Variants in HECA observed in about 807,000 individuals in gnomAD.
HECA encodes headcase protein homolog.
In HECA, 13 loss-of-function variants were observed where a neutral mutation model predicts 37.6. The ratio of observed to expected loss-of-function variants is 0.35; its 90% confidence interval spans 0.23 to 0.55. HECA has a LOEUF of 0.55. Among genes scored for constraint, HECA ranks in the 20% least tolerant of loss-of-function variants. The pLI, the probability that HECA is intolerant of heterozygous loss-of-function variation, is 0.90. For synonymous variants in HECA, 307 were observed against 291.5 expected (o/e 1.05, Z -0.54); for missense variants, 527 against 701.9 (o/e 0.75, Z 2.82).
intron 1 of HECA, among the ~76,000 whole-genome samples, chr6:139,158,699 GT>G (rs1479941914): frequency 1.3e-5 from 2 of 151,288 alleles, no homozygotes. Context: ...AAAAATTGGT[GT>G]TTAGGTGCCA....
chr6:139,154,239 A>G (rs748974764), intron 1 of HECA, among the ~76,000 whole-genome samples: 4 of 152,208 alleles, frequency 2.6e-5, no homozygotes, highest in Non-Finnish European at 4.4e-5. Context: ...TTTTCCATGA[A>G]TATTTTCCAT....
intron 1 of HECA, among the ~76,000 whole-genome samples, chr6:139,140,227 A>G (rs764691429): frequency 9.2e-5 from 14 of 152,222 alleles, no homozygotes; most frequent in Non-Finnish European, 1.8e-4. Flanking sequence ...GGAAAATGAA[A>G]AATGTTTGCT....
chr6:139,138,763 C>T (rs753261653), intron 1 of HECA, among the ~76,000 whole-genome samples: 5 of 152,104 alleles, frequency 3.3e-5, no homozygotes, highest in East Asian at 3.9e-4. Flanking sequence ...GATATCATAC[C>T]GCTAATAAGA....
chr6:139,167,143 GGAAGACTTGC>G lies in HECA; in HGVS notation c.1133_1142del (p.Glu378GlyfsTer16). ...AAGACGATGCCCAAGTGGGCCAGGGGGAAGACTTGCGGAAGTTCATTCTGGCCGCGCTCAG... is the reference window on the plus strand; with the variant it reads ...AAGACGATGCCCAAGTGGGCCAGGGGGGAAGTTCATTCTGGCCGCGCTCAG... On this transcript the variant is annotated frameshift_variant, in exon 2 of 4. Transcript: ENST00000367658. LOFTEE classifies it high-confidence loss of function. The G allele has an allele frequency of 6.2e-7, 1 of 1,614,180 alleles. No individual in the cohort carries two copies. The highest frequency in any genetic ancestry group is 2.2e-5 in the East Asian group (1 of 44,852).
rs985881724 is a variant in HECA at position 139,174,608 on chromosome 6, A to G, written c.1467+69A>G. 3.8e-6 allele frequency: 6 copies of G among 1,558,862 alleles called. No individual in the cohort carries two copies. In the African/African-American group the frequency reaches 6.8e-5, roughly 18 times the overall value. ...TTCTGTCCCCAAGTGAATGTAGGGA[A>G]GATGCGTCTGGCAATAAAGAAGAAA... On this transcript the variant is annotated intron_variant, in intron 3 of 3. Transcript: ENST00000367658.
At chr6:139,153,846 A>G (rs76057309) in intron 1 of HECA, among the ~76,000 whole-genome samples, 3,139 of 152,310 alleles carry the variant, frequency 0.021, 115 homozygotes, top group African/African-American at 0.071. Context: ...ATATTTTCCT[A>G]TAACAAAATA....
chr6:139,162,284 G>T (rs1774816028), intron 1 of HECA, among the ~76,000 whole-genome samples: 1 of 152,174 alleles, frequency 6.6e-6, no homozygotes, highest in East Asian at 1.9e-4. Flanking sequence ...TAGAGAGGTG[G>T]GCCTTGAAGC....
At chr6:139,141,919 A>ATTTTTTTTTTTTTTTTTTTTT (rs11345845) in intron 1 of HECA, among the ~76,000 whole-genome samples, 1 of 48,756 alleles carries the variant, frequency 2.1e-5, no homozygotes. Flanking sequence ...TGCCCAGCTA[A>ATTTTTTTTTTTTTTTTTTTTT]TTTTTTTTTT....
chr6:139,166,756 G>A lies in HECA; in HGVS notation c.744G>A (p.Gln248=), dbSNP rs755906012. Residue 248 remains glutamine (Q), a synonymous_variant, in exon 2 of 4, where the codon CAG becomes CAA. Coordinates refer to ENST00000367658, the MANE Select transcript of HECA (RefSeq NM_016217.3). The part of the protein sequence containing the change: ...DLPRRHSMDR[Q]NSQEKAVGAA... The stretch of plus-strand genomic sequence containing the variant: ...CCCGCCGGCATTCCATGGACCGGCA[G>A]AACTCCCAGGAGAAGGCAGTGGGTG... 10 of 1,613,764 alleles carry A rather than the reference G, an allele frequency of 6.2e-6. No individual in the cohort carries two copies. Among genetic ancestry groups the A allele is most frequent in the Non-Finnish European group, 8.5e-6 (10 of 1,179,910 alleles).
At chr6:139,161,939 C>T (rs1342235597) in intron 1 of HECA, among the ~76,000 whole-genome samples, 1 of 152,216 alleles carries the variant, frequency 6.6e-6, no homozygotes, top group Non-Finnish European at 1.5e-5. Context: ...AACCACTCTT[C>T]TACTTCTTTT....
Position 139,178,733 on chromosome 6 carries a change from C to G in HECA, c.*1628C>G, listed in dbSNP as rs937224401. On this transcript the variant is annotated 3_prime_UTR_variant, in exon 4 of 4. Coordinates refer to ENST00000367658, the MANE Select transcript of HECA (RefSeq NM_016217.3). ...GGGACTATAGGCACGTGCCACCACA[C>G]CCGGCTAATTTTTTGTATTTTTAGT... The G allele has an allele frequency of 1.3e-5, 2 of 152,030 alleles. No homozygotes were observed. The highest frequency in any genetic ancestry group is 1.3e-4 in the Admixed American group (2 of 15,248). 9.4% of individuals were successfully genotyped at this position (152,030 alleles called of 1,614,324 possible). A position where few individuals can be genotyped will look rare whatever the true frequency, so the allele number is the denominator to read the frequency against.
Position 139,155,216 on chromosome 6 carries a change from T to A in HECA, c.272-11068T>A, listed in dbSNP as rs139986079. Among the ~76,000 whole-genome samples, 799 of 152,310 alleles carry A rather than the reference T, an allele frequency of 5.2e-3. 8 individuals are homozygous for A. The highest frequency in any genetic ancestry group is 0.018 in the African/African-American group (765 of 41,566). On this transcript the variant is annotated intron_variant, in intron 1 of 3. Coordinates refer to ENST00000367658, the MANE Select transcript of HECA (RefSeq NM_016217.3). ...GGCAATTGGAACACAATGGCATTTA[T>A]GCATCTAAACATACAGAAACATAGA...
At chr6:139,170,727 T>G (rs1354093910) in intron 2 of HECA, among the ~76,000 whole-genome samples, 1 of 152,166 alleles carries the variant, frequency 6.6e-6, no homozygotes, top group Non-Finnish European at 1.5e-5. Flanking sequence ...CAAGCCATAA[T>G]AAAGAACTTT....
chr6:139,161,469 G>A (rs1417025694), intron 1 of HECA, among the ~76,000 whole-genome samples: 1 of 152,114 alleles, frequency 6.6e-6, no homozygotes, highest in Non-Finnish European at 1.5e-5. Context: ...AAAGGGACAG[G>A]GATGGGGCAC....
intron 1 of HECA, among the ~76,000 whole-genome samples, chr6:139,158,372 G>T (rs1205638846): frequency 6.6e-6 from 1 of 151,922 alleles, no homozygotes; most frequent in Non-Finnish European, 1.5e-5. Context: ...GTGTGGTGGC[G>T]GGTGCCTGTA....
At chr6:139,168,662 A>T (rs928331829) in intron 2 of HECA, among the ~76,000 whole-genome samples, 8 of 151,882 alleles carry the variant, frequency 5.3e-5, no homozygotes, top group African/African-American at 1.9e-4. Flanking sequence ...TCCTATTTTT[A>T]AAAATCTTGT....
At chr6:139,145,968 AAC>A (rs1424574154) in intron 1 of HECA, among the ~76,000 whole-genome samples, 1 of 152,128 alleles carries the variant, frequency 6.6e-6, no homozygotes, top group African/African-American at 2.4e-5. Context: ...AGATTTCAGG[AAC>A]TTAATCACTT....
chr6:139,157,480 C>T (rs1344908554), intron 1 of HECA, among the ~76,000 whole-genome samples: 1 of 152,202 alleles, frequency 6.6e-6, no homozygotes, highest in African/African-American at 2.4e-5. Flanking sequence ...AGAAGAACAT[C>T]TTCATGGGGT....
At chr6:139,147,342 T>C (rs1449313026) in intron 1 of HECA, among the ~76,000 whole-genome samples, 2 of 152,210 alleles carry the variant, frequency 1.3e-5, no homozygotes, top group East Asian at 1.9e-4. Flanking sequence ...AAAGGTCTTA[T>C]GGGTCGGGCG....
Sources: gnomAD v4.1 joint callset for allele counts (sites outside exome capture counted in the v4.1 genomes callset) on GRCh38, gnomAD v4.1.1 for gene constraint, MANE v1.5 for transcripts, NCBI Gene and HGNC (gene_info 2026-07-23, HGNC 2026-07-21) for gene names.